SLC9B1: variants seen among roughly 807,000 people sequenced by gnomAD.
SLC9B1 encodes the protein solute carrier family 9 member B1, also known as sodium/hydrogen exchanger 9B1.
In SLC9B1, 32 loss-of-function variants were observed where a neutral mutation model predicts 51.7. The ratio of observed to expected loss-of-function variants is 0.62; its 90% CI spans 0.47 to 0.83. The LOEUF (loss-of-function observed/expected upper bound fraction) is 0.83, where lower values mean the gene tolerates loss of function less well. Among genes scored for constraint, SLC9B1 ranks in the 40% least tolerant of loss-of-function variants. The pLI, the probability that SLC9B1 is intolerant of heterozygous loss-of-function variation, is 0.00. For missense variants in SLC9B1, 406 were observed against 613.2 expected, an observed-to-expected ratio of 0.66 and a Z score of 3.57; for synonymous variants, 145 against 212.7, an observed-to-expected ratio of 0.68 and a Z score of 2.77.
chr4:102,956,787 T>C (rs1413596203), intron 3 of SLC9B1, among the ~76,000 whole-genome samples: 1 of 152,110 alleles, frequency 6.6e-6, no homozygotes, highest in Non-Finnish European at 1.5e-5. Flanking sequence ...AAGTGTTTAG[T>C]TTTCAATTAA....
chr4:102,913,722 C>T (rs958860371), intron 7 of SLC9B1, among the ~76,000 whole-genome samples: 3 of 113,588 alleles, frequency 2.6e-5, no homozygotes, highest in African/African-American at 1.0e-4. Flanking sequence ...CCAGTGACAA[C>T]AGAAATAGAT....
chr4:102,921,309 C>T (rs1027725798), intron 7 of SLC9B1, among the ~76,000 whole-genome samples: 1 of 152,162 alleles, frequency 6.6e-6, no homozygotes, highest in Admixed American at 6.5e-5. Context: ...TCCAGCCAAA[C>T]TAAGCTTCAT....
At chr4:102,909,559 T>G (rs1222738778) in intron 9 of SLC9B1, among the ~76,000 whole-genome samples, 1 of 152,174 alleles carries the variant, frequency 6.6e-6, no homozygotes, top group Non-Finnish European at 1.5e-5. Flanking sequence ...GCCAAGATTA[T>G]GCTACTGCAC....
chr4:102,929,094 C>T (rs1203899798), intron 7 of SLC9B1, among the ~76,000 whole-genome samples: 2 of 152,228 alleles, frequency 1.3e-5, no homozygotes, highest in Non-Finnish European at 2.9e-5. Context: ...TTTGGCAACA[C>T]CCTCACAGAC....
intron 6 of SLC9B1, among the ~76,000 whole-genome samples, chr4:102,940,118 CAA>C (rs1736917478): frequency 6.6e-6 from 1 of 152,186 alleles, no homozygotes; most frequent in African/African-American, 2.4e-5. Flanking sequence ...AGTAGCCTCT[CAA>C]GAGCTCCCAG....
chr4:102,966,395 C>T (rs529964276), intron 3 of SLC9B1, among the ~76,000 whole-genome samples: 3 of 152,348 alleles, frequency 2.0e-5, no homozygotes, highest in Admixed American at 6.5e-5. Flanking sequence ...TGGTTGTAAA[C>T]GCCATCAAGG....
intron 7 of SLC9B1, among the ~76,000 whole-genome samples, chr4:102,924,376 C>T (rs941478450): frequency 1.3e-5 from 2 of 152,156 alleles, no homozygotes; most frequent in African/African-American, 4.8e-5. Context: ...GAAACTGGAT[C>T]CCTTCCTTAC....
chr4:102,945,346 G>A (rs1199731321), intron 5 of SLC9B1, 26 bp from the exon 6 acceptor site: 7 of 1,530,754 alleles, frequency 4.6e-6, no homozygotes, highest in Non-Finnish European at 6.2e-6. Flanking sequence ...GTCACACTTA[G>A]ATACATTTAC....
chr4:102,913,176 G>T (rs1203930407), intron 7 of SLC9B1, among the ~76,000 whole-genome samples: 1 of 152,174 alleles, frequency 6.6e-6, no homozygotes, highest in Non-Finnish European at 1.5e-5. Flanking sequence ...GGAAAGAGAA[G>T]ACTGGAACGG....
intron 5 of SLC9B1, among the ~76,000 whole-genome samples, chr4:102,945,912 G>T (rs1452779506): frequency 6.6e-6 from 1 of 151,968 alleles, no homozygotes; most frequent in East Asian, 1.9e-4. Context: ...TTATAGATGG[G>T]ATTTATGATC....
intron 7 of SLC9B1, among the ~76,000 whole-genome samples, chr4:102,914,293 TG>T (rs1484563366): frequency 1.4e-5 from 2 of 147,746 alleles, no homozygotes; most frequent in Admixed American, 6.8e-5. Context: ...TTTACAATAG[TG>T]ATGTTATCCC....
chr4:102,917,338 T>C (rs1489701332), intron 7 of SLC9B1, among the ~76,000 whole-genome samples: 2 of 152,098 alleles, frequency 1.3e-5, no homozygotes, highest in East Asian at 3.9e-4. Context: ...GATGGCCTAT[T>C]GTGGGACTTT....
At chr4:102,982,417 A>G (rs1165427049) in intron 3 of SLC9B1, among the ~76,000 whole-genome samples, 1 of 152,148 alleles carries the variant, frequency 6.6e-6, no homozygotes, top group Non-Finnish European at 1.5e-5. Flanking sequence ...AAATTTTTAA[A>G]TAAATTTGTT....
chr4:102,894,313 G>A (rs1560912335), intron 11 of SLC9B1, among the ~76,000 whole-genome samples: 2 of 152,158 alleles, frequency 1.3e-5, no homozygotes, highest in Non-Finnish European at 2.9e-5. Context: ...AATAGCTGCT[G>A]TCATTATTTG....
intron 7 of SLC9B1, among the ~76,000 whole-genome samples, chr4:102,925,491 T>C (rs995725687): frequency 6.6e-6 from 1 of 152,024 alleles, no homozygotes; most frequent in African/African-American, 2.4e-5. Context: ...ATATGGCACA[T>C]GTATGCATAT....
rs184179762 is a variant in SLC9B1, at chr4:102,986,754, C to G, written c.211+3046G>C. Among the ~76,000 whole-genome samples the G allele has an allele frequency of 8.8e-4, 134 of 152,244 alleles. 1 individual carries two copies. Among genetic ancestry groups the G allele is most frequent in the African/African-American group, 3.2e-3 (133 of 41,548 alleles). ...AGATTCTTTCTCAGCTTTGTCCAGC[C>G]TACTAATAAGCCCATCAAAGGCATT... On this transcript the variant is annotated intron_variant, in intron 3 of 11. Coordinates refer to ENST00000296422, the MANE Select transcript of SLC9B1 (RefSeq NM_139173.4).
intron 3 of SLC9B1, among the ~76,000 whole-genome samples, chr4:102,979,874 C>G (rs1739265558): frequency 6.6e-6 from 1 of 151,706 alleles, no homozygotes; most frequent in Non-Finnish European, 1.5e-5. Flanking sequence ...CCAGAGTCCA[C>G]AAGGAAGTTA....
At chr4:102,908,774 A>C (rs1735187900) in intron 9 of SLC9B1, among the ~76,000 whole-genome samples, 1 of 152,310 alleles carries the variant, frequency 6.6e-6, no homozygotes, top group African/African-American at 2.4e-5. Flanking sequence ...AGACACCATA[A>C]ACAAAGTTGA....
chr4:102,926,303 A>G (rs868166654), intron 7 of SLC9B1, among the ~76,000 whole-genome samples: 6 of 152,338 alleles, frequency 3.9e-5, no homozygotes, highest in Non-Finnish European at 7.3e-5. Context: ...GAGGAAGTCA[A>G]ATTGTCCCTG....
Sources: gnomAD v4.1 joint callset for allele counts (sites outside exome capture counted in the v4.1 genomes callset) on GRCh38, gnomAD v4.1.1 for gene constraint, MANE v1.5 for transcripts, NCBI Gene and HGNC (gene_info 2026-07-23, HGNC 2026-07-21) for gene names.